Variants in PTPRD observed in about 807,000 individuals in gnomAD.
PTPRD encodes receptor-type tyrosine-protein phosphatase delta.
Under a neutral mutation model 214.5 loss-of-function variants are expected in PTPRD, and 34 were observed. The observed-to-expected ratio is 0.16, with a 90% CI of 0.12 to 0.21. The LOEUF (loss-of-function observed/expected upper bound fraction) is 0.21. Ranked by LOEUF, PTPRD falls within the 10% of genes least tolerant of loss-of-function variation. The probability of loss-of-function intolerance (pLI) is 1.00; values close to 1 mark genes in which losing one functional copy is unlikely to be tolerated. For synonymous variants in PTPRD, 1,128 were observed against 845.7 expected (o/e 1.33, Z -5.79); for missense variants, 2,545 against 2,398.7 (o/e 1.06, Z -1.27).
chr9:10,237,302 C>T (rs17621850), intron 3 of PTPRD, among the ~76,000 whole-genome samples: 13,011 of 151,906 alleles, frequency 0.086, 660 homozygotes, highest in Non-Finnish European at 0.11. Context: ...GAACTCCAGA[C>T]TGCTGTTTAC....
intron 8 of PTPRD, among the ~76,000 whole-genome samples, chr9:9,418,165 C>T (rs899716446): frequency 1.3e-5 from 2 of 152,012 alleles, no homozygotes; most frequent in African/African-American, 4.8e-5. Context: ...AACAGAACAA[C>T]TTTCACATTG....
intron 14 of PTPRD, among the ~76,000 whole-genome samples, chr9:8,581,444 T>G (rs2093076824): frequency 6.6e-6 from 1 of 151,942 alleles, no homozygotes; most frequent in East Asian, 1.9e-4. Context: ...ATAAACATCA[T>G]AAAGAAAGAA....
chr9:10,530,819 CAGG>C (rs2056026695), intron 2 of PTPRD, among the ~76,000 whole-genome samples: 1 of 152,196 alleles, frequency 6.6e-6, no homozygotes, highest in African/African-American at 2.4e-5. Context: ...AATAAATAAA[CAGG>C]AGAATAGTGA....
intron 9 of PTPRD, among the ~76,000 whole-genome samples, chr9:9,251,395 A>T (rs2099975433): frequency 6.6e-6 from 1 of 152,088 alleles, no homozygotes; most frequent in African/African-American, 2.4e-5. Context: ...ACATATTCAT[A>T]CATACTTGCT....
intron 8 of PTPRD, among the ~76,000 whole-genome samples, chr9:9,570,255 G>C (rs1290801899): frequency 1.3e-5 from 2 of 151,396 alleles, no homozygotes; most frequent in African/African-American, 2.4e-5. Context: ...CTTCAGATTA[G>C]ACTTCTATTG....
chr9:9,777,463 G>C (rs138204599), intron 5 of PTPRD, among the ~76,000 whole-genome samples: 146 of 152,266 alleles, frequency 9.6e-4, no homozygotes, highest in Middle Eastern at 3.4e-3. Context: ...GGGAGGCCGA[G>C]GTAGGTGGAT....
intron 11 of PTPRD, among the ~76,000 whole-genome samples, chr9:8,940,601 C>T (rs2099027591): frequency 2.0e-5 from 3 of 151,686 alleles, no homozygotes; most frequent in Middle Eastern, 6.3e-3. Flanking sequence ...GCCTGCACAT[C>T]TCTTAAAAAG....
chr9:10,579,377 T>A (rs111261980), intron 2 of PTPRD, among the ~76,000 whole-genome samples: 7 of 152,222 alleles, frequency 4.6e-5, no homozygotes, highest in Admixed American at 3.9e-4. Context: ...TTTGGTTTCC[T>A]GTTCCTGTGT....
rs865974150 is a variant in PTPRD at position 10,237,185 on chromosome 9, A to G, written c.-545+103778T>C. Among the ~76,000 whole-genome samples, 7 of 151,868 alleles carry G rather than the reference A, an allele frequency of 4.6e-5. 1 individual carries two copies. In the Middle Eastern group the frequency reaches 0.01, roughly 221 times the overall value. On this transcript the variant is annotated intron_variant, in intron 3 of 45. Coordinates refer to ENST00000381196, the MANE Select transcript of PTPRD (RefSeq NM_002839.4). Reference sequence around the variant, plus strand: ...GAGGCTATGCATGGGTTGGTGTAGGAAGTATTGGGAATCTTTGTACCATCC... The same window carrying G: ...GAGGCTATGCATGGGTTGGTGTAGGGAGTATTGGGAATCTTTGTACCATCC...
rs7862600 is a variant in PTPRD, at chr9:8,322,893, G to C, written c.5535-2927C>G. Reference sequence around the variant, plus strand: ...GGGCTCATGCAGCTGGTGACATTAAGCTGAAGCCAAAGCTCATTTACCATT... The same window carrying C: ...GGGCTCATGCAGCTGGTGACATTAACCTGAAGCCAAAGCTCATTTACCATT... On this transcript the variant is annotated intron_variant, in intron 44 of 45. Transcript: ENST00000381196. Among the ~76,000 whole-genome samples the C allele has an allele frequency of 6.4e-3, 974 of 152,252 alleles. 13 individuals carry two copies. The highest frequency in any genetic ancestry group is 0.022 in the African/African-American group (930 of 41,556).
chr9:8,703,196 A>T (rs1395857506), intron 12 of PTPRD, among the ~76,000 whole-genome samples: 1 of 152,226 alleles, frequency 6.6e-6, no homozygotes, highest in East Asian at 1.9e-4. Flanking sequence ...GGATGGTAAT[A>T]GACTATTCTT....
chr9:10,191,524 A>G (rs567186840), intron 3 of PTPRD, among the ~76,000 whole-genome samples: 53 of 152,310 alleles, frequency 3.5e-4, no homozygotes, highest in Admixed American at 1.1e-3. Flanking sequence ...CCAGTCTTCT[A>G]TATATTCCTG....
intron 11 of PTPRD, among the ~76,000 whole-genome samples, chr9:9,003,154 T>C (rs1355692506): frequency 6.6e-6 from 1 of 152,058 alleles, no homozygotes; most frequent in African/African-American, 2.4e-5. Flanking sequence ...GTTTATTTTA[T>C]ATAACATTCT....
chr9:8,776,986 T>A (rs2154491322), intron 11 of PTPRD, among the ~76,000 whole-genome samples: 1 of 148,896 alleles, frequency 6.7e-6, no homozygotes, highest in South Asian at 2.1e-4. Flanking sequence ...TATATATACA[T>A]TTTTTTCTTT....
intron 8 of PTPRD, among the ~76,000 whole-genome samples, chr9:9,528,089 C>T (rs1166427692): frequency 6.6e-6 from 1 of 152,122 alleles, no homozygotes; most frequent in Non-Finnish European, 1.5e-5. Context: ...ATTGAGGAAA[C>T]AGAAATCAAA....
At chr9:10,115,290 G>A (rs990477559) in intron 3 of PTPRD, among the ~76,000 whole-genome samples, 6 of 151,984 alleles carry the variant, frequency 3.9e-5, no homozygotes, top group African/African-American at 1.4e-4. Context: ...GAGCCTTTCT[G>A]ATTAAGTATG....
chr9:9,082,589 T>C (rs2099760869), intron 10 of PTPRD, among the ~76,000 whole-genome samples: 1 of 152,114 alleles, frequency 6.6e-6, no homozygotes, highest in South Asian at 2.1e-4. Context: ...GGGTATTCAA[T>C]TAGAAAAGAG....
At chr9:10,105,931 A>G (rs540579609) in intron 3 of PTPRD, among the ~76,000 whole-genome samples, 2 of 150,352 alleles carry the variant, frequency 1.3e-5, no homozygotes, top group East Asian at 4.0e-4. Context: ...TTTGTTGGCC[A>G]AAGCAAGTCA....
At chr9:9,535,819 T>A (rs1453206886) in intron 8 of PTPRD, among the ~76,000 whole-genome samples, 1 of 151,940 alleles carries the variant, frequency 6.6e-6, no homozygotes, top group Non-Finnish European at 1.5e-5. Flanking sequence ...AAGAGTTAAA[T>A]TGTGTGTGGG....
Sources: gnomAD v4.1 joint callset for allele counts (sites outside exome capture counted in the v4.1 genomes callset) on GRCh38, gnomAD v4.1.1 for gene constraint, MANE v1.5 for transcripts, NCBI Gene and HGNC (gene_info 2026-07-23, HGNC 2026-07-21) for gene names.